The following STK35 variants were observed in gnomAD, a reference collection of about 807,000 sequenced individuals.
The protein encoded by STK35 is serine/threonine kinase 35.
STK35 carries 17 observed loss-of-function variants against 37.3 expected under a neutral mutation model. The ratio of observed to expected loss-of-function variants is 0.46; its 90% CI spans 0.31 to 0.68. STK35 has a LOEUF of 0.68. STK35 is among the 30% of genes least tolerant of loss of function. STK35 has a pLI of 0.05. For missense variants in STK35, 595 were observed against 746.7 expected (o/e 0.80, Z 2.37); for synonymous variants, 385 against 319.1 (o/e 1.21, Z -2.20).
At chr20:2,135,059 G>C (rs1417110477) in intron 3 of STK35, among the ~76,000 whole-genome samples, 1 of 152,090 alleles carries the variant, frequency 6.6e-6, no homozygotes, top group African/African-American at 2.4e-5. Context: ...CTCCAGAGGG[G>C]GAGTAGGGAG....
intron 2 of STK35, among the ~76,000 whole-genome samples, chr20:2,109,768 T>C (rs1985583346): frequency 6.6e-6 from 1 of 152,248 alleles, no homozygotes; most frequent in African/African-American, 2.4e-5. Context: ...AGTCCAGTGC[T>C]GTAGGTGTTT....
chr20:2,106,250 G>A (rs1985513202), intron 2 of STK35, among the ~76,000 whole-genome samples: 1 of 152,134 alleles, frequency 6.6e-6, no homozygotes, highest in Admixed American at 6.5e-5. Flanking sequence ...GTTAAAGCTG[G>A]AAGGAATCGT....
In STK35 at chr20:2,102,123, C is replaced by A. The variant is rs1176707838; in HGVS notation, c.242C>A (p.Ala81Glu). 3 of 1,408,210 alleles carry A rather than the reference C, an allele frequency of 2.1e-6. No homozygotes were observed. The highest frequency in any genetic ancestry group is 1.5e-5 in the African/African-American group (1 of 66,194). 87.2% of individuals were successfully genotyped at this position (1,408,210 alleles called of 1,614,324 possible). ...QPGPGADHPQ[A>E]GAPGGKRAAR... ...GGGCCCGGAGCGGACCATCCCCAGG[C>A]AGGGGCTCCAGGGGGGAAACGGGCC... Residue 81 changes from alanine to glutamate, a missense_variant, in exon 1 of 4, where the codon GCA becomes GAA. Coordinates refer to ENST00000381482, the MANE Select transcript of STK35 (RefSeq NM_080836.4).
At position 2,144,915 on chromosome 20, in the gene STK35, C is replaced by T. The variant is rs1038272479; in HGVS notation, c.*1169C>T. ...CTGTCAAGCGCCATTTCCCTCACCCCTGGAGACTTACTGTTAGGTGCCTGC... is the reference window on the plus strand; with the variant it reads ...CTGTCAAGCGCCATTTCCCTCACCCTTGGAGACTTACTGTTAGGTGCCTGC... On this transcript the variant is annotated 3_prime_UTR_variant, in exon 4 of 4. Coordinates refer to ENST00000381482, the MANE Select transcript of STK35 (RefSeq NM_080836.4). The T allele has an allele frequency of 2.6e-5, 4 of 152,886 alleles. No individual in the cohort carries two copies. Among genetic ancestry groups the T allele is most frequent in the Admixed American group, 6.5e-5 (1 of 15,294 alleles). 9.5% of individuals were successfully genotyped at this position (152,886 alleles called of 1,614,324 possible).
At chr20:2,125,754 G>A (rs534038114) in intron 3 of STK35, among the ~76,000 whole-genome samples, 10 of 152,340 alleles carry the variant, frequency 6.6e-5, no homozygotes, top group African/African-American at 2.4e-4. Flanking sequence ...GGCAAGGCTG[G>A]GATAGTGTGA....
chr20:2,129,837 G>A (rs924087142), intron 3 of STK35, among the ~76,000 whole-genome samples: 2 of 152,042 alleles, frequency 1.3e-5, no homozygotes, highest in African/African-American at 4.8e-5. Flanking sequence ...CGGCTGGAGT[G>A]CGGTGGTCAA....
chr20:2,117,423 C>T lies in STK35; in HGVS notation c.*37+8C>T, dbSNP rs1247484920. 4.7e-6 allele frequency: 7 copies of T among 1,476,608 alleles called. No homozygotes were observed. The highest frequency in any genetic ancestry group is 2.0e-5 in the Admixed American group (1 of 50,422). 91.5% of individuals were successfully genotyped at this position (1,476,608 alleles called of 1,614,324 possible). A position where few individuals can be genotyped will look rare whatever the true frequency, so the allele number is the denominator to read the frequency against. ...TGGGTGATTTTAAACTAGGTGAGTG[C>T]TCTCTGTTGTTGTTTTTTGTTTTTT... On this transcript the variant is annotated splice_region_variant and intron_variant, in intron 3 of 3. Transcript: ENST00000381482. This position sits in a 1 kb window ranked among gnomAD's most constrained non-coding sequence, Gnocchi z 4.4.
Position 2,103,178 on chromosome 20 carries a change from C to T in STK35, c.705C>T (p.Cys235=). ...GARVAVKKIR[C]DAPENVELAL... is the part of the protein sequence containing the mutation. ...GGGTGGCGGTCAAGAAGATCCGCTG[C>T]GACGCCCCCGAGAACGTGGAGCTGG... is the stretch of plus-strand genomic sequence containing the variant. The change falls in exon 2 of 4, where the codon TGC becomes TGT. Residue 235 remains cysteine (C), a synonymous_variant. Coordinates refer to ENST00000381482, the MANE Select transcript of STK35 (RefSeq NM_080836.4). 3 of 1,607,052 alleles carry T rather than the reference C, an allele frequency of 1.9e-6. No homozygotes were observed. The highest frequency in any genetic ancestry group is 2.5e-6 in the Non-Finnish European group (3 of 1,178,986).
At chr20:2,102,703 CCG>C in intron 1 of STK35, 63 bp from the exon 2 acceptor site, 3 of 1,300,440 alleles carry the variant, frequency 2.3e-6, no homozygotes, top group Non-Finnish European at 2.9e-6. Context: ...GTGGGACGCC[CCG>C]CGGCCTACGC....
At position 2,117,786 on chromosome 20, in the gene STK35, T is replaced by TA. The variant is rs1357737858; in HGVS notation, c.*37+371_*37+372insA. On this transcript the variant is annotated intron_variant, in intron 3 of 3. Coordinates refer to ENST00000381482, the MANE Select transcript of STK35 (RefSeq NM_080836.4). This position sits in a 1 kb window ranked among gnomAD's most constrained non-coding sequence, Gnocchi z 4.4. ...ATGCCCACTTCTTGGACCGGGTTCT[T>TA]CATTCTGGACCCTGGCATGGGCCCT... Among the ~76,000 whole-genome samples, 1 of 152,170 alleles carries TA rather than the reference T, an allele frequency of 6.6e-6. No homozygotes were observed. Among genetic ancestry groups the TA allele is most frequent in the Non-Finnish European group, 1.5e-5 (1 of 68,028 alleles).
rs1985747073 is a variant in STK35 at position 2,117,942 on chromosome 20, A to G, written c.*37+527A>G. Reference sequence around the variant, plus strand: ...GGAAAGTCTAGAGAAGTCTTCTCAGAGGAGGTTGCGTTTAAGCCGAGTCTC... The same window carrying G: ...GGAAAGTCTAGAGAAGTCTTCTCAGGGGAGGTTGCGTTTAAGCCGAGTCTC... On this transcript the variant is annotated intron_variant, in intron 3 of 3. Coordinates refer to ENST00000381482, the MANE Select transcript of STK35 (RefSeq NM_080836.4). The surrounding 1 kb of genome is among the most constrained non-coding windows in gnomAD (Gnocchi z 4.4). Among the ~76,000 whole-genome samples the G allele has an allele frequency of 6.6e-6, 1 of 152,242 alleles. No homozygotes were observed. Among genetic ancestry groups the G allele is most frequent in the African/African-American group, 2.4e-5 (1 of 41,472 alleles).
At chr20:2,102,666 G>A (rs980495314) in intron 1 of STK35, 102 bp from the exon 2 acceptor site, 3 of 1,150,554 alleles carry the variant, frequency 2.6e-6, no homozygotes, top group Admixed American at 4.0e-5. Context: ...CGTCTTAAAG[G>A]GGCCGCGGCG....
intron 3 of STK35, among the ~76,000 whole-genome samples, chr20:2,143,108 C>G (rs767679820): frequency 6.6e-6 from 1 of 152,208 alleles, no homozygotes; most frequent in Non-Finnish European, 1.5e-5. Context: ...TTAAATTCCC[C>G]CACAGTCGAG....
At chr20:2,106,043 G>GA (rs1165148947) in intron 2 of STK35, among the ~76,000 whole-genome samples, 2 of 152,202 alleles carry the variant, frequency 1.3e-5, no homozygotes, top group Non-Finnish European at 2.9e-5. Context: ...TTCTGCTTAT[G>GA]AAAATGACAT....
chr20:2,110,173 T>G (rs1352894612), intron 2 of STK35, among the ~76,000 whole-genome samples: 1 of 152,268 alleles, frequency 6.6e-6, no homozygotes, highest in East Asian at 1.9e-4. Context: ...GGACAGATCT[T>G]TGGCTGAGCC....
At chr20:2,130,436 G>A (rs1438287822) in intron 3 of STK35, among the ~76,000 whole-genome samples, 1 of 152,094 alleles carries the variant, frequency 6.6e-6, no homozygotes, top group Non-Finnish European at 1.5e-5. Flanking sequence ...TCTGCTCTCT[G>A]CTATAATTGT....
At chr20:2,131,018 C>T (rs557656257) in intron 3 of STK35, among the ~76,000 whole-genome samples, 2 of 152,172 alleles carry the variant, frequency 1.3e-5, no homozygotes, top group African/African-American at 2.4e-5. Flanking sequence ...AGCAGCTTGC[C>T]GATCATCTTG....
intron 3 of STK35, among the ~76,000 whole-genome samples, chr20:2,132,376 A>G (rs186734420): frequency 2.0e-5 from 3 of 152,372 alleles, no homozygotes; most frequent in East Asian, 3.9e-4. Context: ...ACGTCCAAAG[A>G]CAGAACACTG....
intron 3 of STK35, among the ~76,000 whole-genome samples, chr20:2,121,435 GATGGGAAGA>G (rs1985815008): frequency 6.6e-6 from 1 of 152,180 alleles, no homozygotes; most frequent in Non-Finnish European, 1.5e-5. Flanking sequence ...CAGCCTAAGT[GATGGGAAGA>G]ATAGAGCTGC....
Sources: gnomAD v4.1 joint callset for allele counts (sites outside exome capture counted in the v4.1 genomes callset) on GRCh38, gnomAD v4.1.1 for gene constraint, Gnocchi (gnomAD v3.1) non-coding constraint, MANE v1.5 for transcripts, NCBI Gene and HGNC (gene_info 2026-07-23, HGNC 2026-07-21) for gene names.